The following QKI variants were observed in gnomAD, a reference collection of about 807,000 sequenced individuals.
QKI encodes QKI, KH domain containing RNA binding.
In QKI, 10 loss-of-function variants were observed where a neutral mutation model predicts 39.0. The ratio of observed to expected loss-of-function variants is 0.26; its 90% confidence interval spans 0.16 to 0.43. QKI has a LOEUF of 0.43. QKI is among the 20% of genes least tolerant of loss of function. The pLI is 1.00. For missense variants in QKI, 218 were observed against 428.0 expected, an observed-to-expected ratio of 0.51 and a Z score of 4.33; for synonymous variants, 204 against 155.4, an observed-to-expected ratio of 1.31 and a Z score of -2.33.
intron 3 of QKI, among the ~76,000 whole-genome samples, chr6:163,518,135 A>C (rs1779942441): frequency 6.6e-6 from 1 of 152,178 alleles, no homozygotes; most frequent in Non-Finnish European, 1.5e-5. Flanking sequence ...TAATCTAGAG[A>C]GATGTCTGAT....
chr6:163,520,806 A>T (rs1780105829), intron 3 of QKI, among the ~76,000 whole-genome samples: 1 of 152,256 alleles, frequency 6.6e-6, no homozygotes, highest in African/African-American at 2.4e-5. Context: ...TGCTGCATTA[A>T]CTATCACTTT....
intron 3 of QKI, among the ~76,000 whole-genome samples, chr6:163,491,394 G>C (rs1778044625): frequency 6.6e-6 from 1 of 152,112 alleles, no homozygotes; most frequent in South Asian, 2.1e-4. Context: ...CTGTGACGTG[G>C]TATGTTTGTT....
intron 1 of QKI, among the ~76,000 whole-genome samples, chr6:163,439,309 G>C (rs1443674877): frequency 2.0e-5 from 3 of 147,186 alleles, no homozygotes; most frequent in Non-Finnish European, 4.5e-5. Context: ...CAGAATTTTC[G>C]CTCTAGAATA....
At chr6:163,430,442 A>ATT (rs150520041) in intron 1 of QKI, among the ~76,000 whole-genome samples, 2 of 150,936 alleles carry the variant, frequency 1.3e-5, no homozygotes, top group African/African-American at 4.9e-5. Context: ...TTGGCTTTTT[A>ATT]TTTTTTTTGT....
At chr6:163,569,034 T>C in intron 7 of QKI, 1 of 976,576 alleles carries the variant, frequency 1.0e-6, no homozygotes, top group Non-Finnish European at 1.2e-6. Flanking sequence ...CTTACATAAT[T>C]TGTATAAGAA....
chr6:163,562,184 T>C, intron 5 of QKI, 115 bp downstream of exon 5: 1 of 588,110 alleles, frequency 1.7e-6, no homozygotes, highest in Admixed American at 3.8e-5. Context: ...TTGAAATAAC[T>C]GTTCTGTCAC....
chr6:163,424,877 T>C (rs1788291062), intron 1 of QKI, among the ~76,000 whole-genome samples: 1 of 152,138 alleles, frequency 6.6e-6, no homozygotes, highest in Non-Finnish European at 1.5e-5. Flanking sequence ...GTAATATGCC[T>C]GCCTCAGCCT....
At chr6:163,444,133 G>A (rs1335990114) in intron 1 of QKI, among the ~76,000 whole-genome samples, 1 of 152,202 alleles carries the variant, frequency 6.6e-6, no homozygotes, top group Non-Finnish European at 1.5e-5. Flanking sequence ...GCAGGAGTAG[G>A]ATAGTCTGGC....
intron 3 of QKI, among the ~76,000 whole-genome samples, chr6:163,500,927 C>G (rs1318585168): frequency 1.3e-5 from 2 of 152,094 alleles, no homozygotes; most frequent in African/African-American, 4.8e-5. Flanking sequence ...AGTACAAATT[C>G]TCCCCTCCAA....
At chr6:163,540,972 C>T (rs1247766910) in intron 4 of QKI, among the ~76,000 whole-genome samples, 2 of 151,560 alleles carry the variant, frequency 1.3e-5, no homozygotes, top group Admixed American at 6.6e-5. Flanking sequence ...TGATTTTTCT[C>T]AATTTTTTTT....
chr6:163,423,031 C>T (rs1386509409), intron 1 of QKI: 1 of 152,258 alleles, frequency 6.6e-6, no homozygotes, highest in Non-Finnish European at 1.5e-5. Flanking sequence ...GGTGAGGTGG[C>T]TCATGCCTGT....
intron 3 of QKI, among the ~76,000 whole-genome samples, chr6:163,512,896 T>A (rs1779567920): frequency 6.6e-6 from 1 of 152,088 alleles, no homozygotes; most frequent in South Asian, 2.1e-4. Flanking sequence ...GTAGAGTAGA[T>A]TAAAAGCAAA....
chr6:163,458,121 G>A (rs947115348), intron 2 of QKI, among the ~76,000 whole-genome samples: 26 of 151,790 alleles, frequency 1.7e-4, no homozygotes, highest in African/African-American at 4.8e-4. Context: ...GTGTCATGCC[G>A]TGGTCAAAAG....
chr6:163,569,484 G>A (rs1357333933), intron 7 of QKI: 1 of 1,275,220 alleles, frequency 7.8e-7, no homozygotes, highest in Middle Eastern at 2.1e-4. Context: ...TCAGAATATA[G>A]TAGAAATAAT....
chr6:163,568,137 T>C, intron 7 of QKI: 2 of 985,434 alleles, frequency 2.0e-6, no homozygotes, highest in Non-Finnish European at 2.4e-6. Flanking sequence ...GGGGAAGTTT[T>C]TTGGAAAGTC....
chr6:163,432,424 T>C (rs1788906758), intron 1 of QKI, among the ~76,000 whole-genome samples: 1 of 149,702 alleles, frequency 6.7e-6, no homozygotes, highest in Admixed American at 6.7e-5. Context: ...AGAGATGGGG[T>C]TTCACCCTGT....
Position 163,478,762 on chromosome 6 carries a change from C to CT in QKI, c.286-6dup, listed in dbSNP as rs761851020. ...AGCAAGTGAATAATGTATAGTGATC[C>CT]TTTTTTTTTTTTCTCAGTTTAATTT... On this transcript the variant is annotated splice_polypyrimidine_tract_variant and intron_variant, in intron 2 of 7. Transcript: ENST00000361752. 121,767 of 997,174 alleles carry CT rather than the reference C, an allele frequency of 0.12. 217 individuals carry two copies. The highest frequency in any genetic ancestry group is 0.14 in the African/African-American group (8,333 of 60,594). The allele number at this position is 997,174 out of a possible 1,614,324, so 61.8% of individuals were successfully genotyped here.
intron 3 of QKI, among the ~76,000 whole-genome samples, chr6:163,488,354 A>G (rs934322921): frequency 2.0e-5 from 3 of 152,182 alleles, no homozygotes; most frequent in Admixed American, 6.5e-5. Flanking sequence ...AGAGAGAGAA[A>G]GAAATAGTGC....
At chr6:163,519,158 A>G (rs1234409283) in intron 3 of QKI, among the ~76,000 whole-genome samples, 2 of 152,146 alleles carry the variant, frequency 1.3e-5, no homozygotes, top group African/African-American at 4.8e-5. Flanking sequence ...CCCTTTCCCC[A>G]ATCAGATTCA....
Sources: gnomAD v4.1 joint callset for allele counts (sites outside exome capture counted in the v4.1 genomes callset) on GRCh38, gnomAD v4.1.1 for gene constraint, MANE v1.5 for transcripts, NCBI Gene and HGNC (gene_info 2026-07-23, HGNC 2026-07-21) for gene names.